CSMD1: variants seen among roughly 807,000 people sequenced by gnomAD.
CSMD1 encodes CUB and sushi domain-containing protein 1.
CSMD1 carries 213 observed loss-of-function variants against 417.5 expected under a neutral mutation model. The ratio of observed to expected loss-of-function variants is 0.51; its 90% CI spans 0.46 to 0.57. The LOEUF (loss-of-function observed/expected upper bound fraction) is 0.57. CSMD1 is among the 20% of genes least tolerant of loss of function. CSMD1 has a pLI of 0.00. For synonymous variants in CSMD1, 2,862 were observed against 1,736.8 expected (o/e 1.65, Z -16.11); for missense variants, 6,923 against 4,529.7 (o/e 1.53, Z -15.17).
At chr8:3,670,662 T>A (rs114492391) in intron 7 of CSMD1, among the ~76,000 whole-genome samples, 3,510 of 144,168 alleles carry the variant, frequency 0.024, 242 homozygotes, top group African/African-American at 0.091. Context: ...ATACATGGGA[T>A]ATATGTACAT....
chr8:4,335,100 C>G (rs1800093342), intron 3 of CSMD1, among the ~76,000 whole-genome samples: 1 of 152,116 alleles, frequency 6.6e-6, no homozygotes, highest in African/African-American at 2.4e-5. Context: ...CAGAGCCACA[C>G]AATGTTGCCC....
chr8:4,008,153 C>T (rs539804625), intron 4 of CSMD1, among the ~76,000 whole-genome samples: 1 of 152,012 alleles, frequency 6.6e-6, no homozygotes, highest in Admixed American at 6.6e-5. Context: ...ATAGTCACAG[C>T]AAAACATTTT....
At chr8:3,366,769 T>G (rs1809599086) in intron 20 of CSMD1, among the ~76,000 whole-genome samples, 1 of 152,296 alleles carries the variant, frequency 6.6e-6, no homozygotes, top group Admixed American at 6.5e-5. Context: ...CAGAATGTAG[T>G]GACATCTACA....
Position 4,210,207 on chromosome 8 carries a change from C to T in CSMD1, c.416-178108G>A, listed in dbSNP as rs77623198. Among the ~76,000 whole-genome samples the T allele has an allele frequency of 4.2e-3, 639 of 152,320 alleles. 41 individuals carry two copies. In the East Asian group the frequency reaches 0.11, roughly 26 times the overall value. ...TGTGGGAGCTCCTTCACTCCCTCCC[C>T]AAGCCAGCATGCTGGGCATGACTTT... On this transcript the variant is annotated intron_variant, in intron 3 of 69. Coordinates refer to ENST00000635120, the MANE Select transcript of CSMD1 (RefSeq NM_033225.6).
chr8:3,435,178 G>A (rs60442182), intron 12 of CSMD1, among the ~76,000 whole-genome samples: 4,246 of 152,256 alleles, frequency 0.028, 186 homozygotes, highest in African/African-American at 0.098. Flanking sequence ...AGAAGTCAGA[G>A]GGCAAAAAAG....
At chr8:4,006,970 G>T (rs886311892) in intron 4 of CSMD1, among the ~76,000 whole-genome samples, 3 of 151,742 alleles carry the variant, frequency 2.0e-5, no homozygotes, top group African/African-American at 7.3e-5. Context: ...TGGGACTACA[G>T]GCACACACCA....
At chr8:3,501,889 G>A (rs1232678241) in intron 10 of CSMD1, among the ~76,000 whole-genome samples, 2 of 152,066 alleles carry the variant, frequency 1.3e-5, no homozygotes, top group Non-Finnish European at 2.9e-5. Context: ...GAGACAAACT[G>A]ACCAAATATA....
In CSMD1 at chr8:3,874,030, G is replaced by C. The variant is rs941050914; in HGVS notation, c.819-119988C>G. ...GCTGTAGAACTTCTCTGTCAAATTAGCATCTGTAAAGCTTTCCACTTCCCT... is the reference window on the plus strand; with the variant it reads ...GCTGTAGAACTTCTCTGTCAAATTACCATCTGTAAAGCTTTCCACTTCCCT... On this transcript the variant is annotated intron_variant, in intron 5 of 69. Transcript: ENST00000635120. Among the ~76,000 whole-genome samples the C allele has an allele frequency of 1.3e-4, 20 of 152,286 alleles. No homozygotes were observed. The East Asian group carries it at 3.1e-3, about 24-fold the overall frequency.
intron 14 of CSMD1, among the ~76,000 whole-genome samples, chr8:3,406,515 G>T (rs1812351769): frequency 6.6e-6 from 1 of 152,254 alleles, no homozygotes; most frequent in East Asian, 1.9e-4. Flanking sequence ...GATATGGTGG[G>T]TGGTAGAAAG....
chr8:3,538,501 G>C (rs991040542), intron 10 of CSMD1, among the ~76,000 whole-genome samples: 1 of 152,170 alleles, frequency 6.6e-6, no homozygotes, highest in Non-Finnish European at 1.5e-5. Flanking sequence ...CACCTGCGAT[G>C]CCTCACCTGA....
At chr8:4,225,635 A>G (rs1386648452) in intron 3 of CSMD1, among the ~76,000 whole-genome samples, 2 of 151,580 alleles carry the variant, frequency 1.3e-5, no homozygotes, top group African/African-American at 4.9e-5. Context: ...TCTGATCTGC[A>G]TCATAACCAG....
chr8:4,554,388 C>T (rs1798001077), intron 2 of CSMD1, among the ~76,000 whole-genome samples: 2 of 152,144 alleles, frequency 1.3e-5, no homozygotes, highest in South Asian at 2.1e-4. Flanking sequence ...CTACCTGCCT[C>T]GGCCTCCCAA....
At chr8:3,492,957 C>G (rs1391848659) in intron 11 of CSMD1, among the ~76,000 whole-genome samples, 3 of 152,028 alleles carry the variant, frequency 2.0e-5, no homozygotes, top group African/African-American at 4.8e-5. Context: ...TTTAAAAACC[C>G]TGATAATATA....
chr8:4,371,957 A>G (rs896353926), intron 3 of CSMD1, among the ~76,000 whole-genome samples: 7 of 152,230 alleles, frequency 4.6e-5, no homozygotes, highest in African/African-American at 1.4e-4. Context: ...CTCCGCTAAT[A>G]TAAACTCATT....
rs73183511 is a variant in CSMD1, at chr8:3,092,520, A to G, written c.7139-858T>C. Among the ~76,000 whole-genome samples the G allele has an allele frequency of 9.6e-3, 1,465 of 152,294 alleles. 17 individuals are homozygous for G. The highest frequency in any genetic ancestry group is 0.018 in the South Asian group (85 of 4,824). On this transcript the variant is annotated intron_variant, in intron 47 of 69. Transcript: ENST00000635120. ...GGAATTGGATATGGGTGAAGCTTCT[A>G]AATTTACCTGTACACATTGCTTCTT...
chr8:3,905,812 A>G (rs1302608493), intron 5 of CSMD1, among the ~76,000 whole-genome samples: 2 of 152,206 alleles, frequency 1.3e-5, no homozygotes, highest in Non-Finnish European at 2.9e-5. Context: ...TAGTTAACAA[A>G]GTCCAAACAT....
At chr8:3,928,115 A>C (rs1809876947) in intron 5 of CSMD1, among the ~76,000 whole-genome samples, 1 of 152,178 alleles carries the variant, frequency 6.6e-6, no homozygotes, top group Non-Finnish European at 1.5e-5. Context: ...ATACAAAGGT[A>C]AATAAACTAT....
At chr8:4,044,399 G>A (rs1044566366) in intron 3 of CSMD1, among the ~76,000 whole-genome samples, 2 of 152,096 alleles carry the variant, frequency 1.3e-5, no homozygotes, top group African/African-American at 4.8e-5. Flanking sequence ...GGCAATCTCA[G>A]TCTACTTTGT....
At chr8:4,105,030 A>G (rs1474650430) in intron 3 of CSMD1, among the ~76,000 whole-genome samples, 1 of 152,206 alleles carries the variant, frequency 6.6e-6, no homozygotes, top group Admixed American at 6.5e-5. Context: ...ACATTATAGA[A>G]ATGCTAAGGG....
Sources: allele counts gnomAD v4.1 joint callset (sites outside exome capture counted in the v4.1 genomes callset), GRCh38; gene constraint gnomAD v4.1.1; transcripts MANE v1.5; gene names NCBI Gene and HGNC (gene_info 2026-07-23, HGNC 2026-07-21).